Variants in UBAP1 observed in about 807,000 individuals in gnomAD.
The protein encoded by UBAP1 is ubiquitin-associated protein 1.
UBAP1 carries 5 observed loss-of-function variants against 39.0 expected under a neutral mutation model. The observed-to-expected ratio is 0.13, with a 90% confidence interval of 0.07 to 0.27. UBAP1 has a LOEUF of 0.27. Among genes scored for constraint, UBAP1 ranks in the 10% least tolerant of loss-of-function variants. The probability of loss-of-function intolerance (pLI) is 1.00; values close to 1 mark genes in which losing one functional copy is unlikely to be tolerated. For synonymous variants in UBAP1, 211 were observed against 225.1 expected (o/e 0.94, Z 0.56); for missense variants, 490 against 608.1 (o/e 0.81, Z 2.04).
intron 4 of UBAP1, among the ~76,000 whole-genome samples, chr9:34,248,208 G>C (rs777508035): frequency 6.6e-6 from 1 of 151,994 alleles, no homozygotes; most frequent in African/African-American, 2.4e-5. Context: ...GCTGATTTTT[G>C]TATTTTTAGT....
intron 1 of UBAP1, among the ~76,000 whole-genome samples, chr9:34,192,331 A>T (rs1830773692): frequency 1.3e-5 from 2 of 151,874 alleles, no homozygotes; most frequent in African/African-American, 4.8e-5. Context: ...CCTGACCAAC[A>T]TGGTGAAACC....
chr9:34,247,163 CTG>C (rs1330328571), intron 4 of UBAP1, among the ~76,000 whole-genome samples: 4 of 152,070 alleles, frequency 2.6e-5, no homozygotes, highest in African/African-American at 4.8e-5. Flanking sequence ...AAACTAAACA[CTG>C]TTATAATTTT....
At chr9:34,188,963 A>C (rs1478426709) in intron 1 of UBAP1, among the ~76,000 whole-genome samples, 2 of 152,102 alleles carry the variant, frequency 1.3e-5, no homozygotes, top group Non-Finnish European at 2.9e-5. Flanking sequence ...ATCTCCAAAA[A>C]ATAAAAAATA....
intron 3 of UBAP1, among the ~76,000 whole-genome samples, chr9:34,237,678 C>G (rs548109048): frequency 6.6e-6 from 1 of 152,218 alleles, no homozygotes; most frequent in Non-Finnish European, 1.5e-5. Flanking sequence ...GGTGATCCTC[C>G]CTCCTCAGCC....
In UBAP1 at chr9:34,234,293, A is replaced by G. The variant is rs540002022; in HGVS notation, c.112A>G (p.Ile38Val). The change falls in exon 3 of 7, where the codon ATT (isoleucine) becomes GTT (valine). Residue 38 changes from isoleucine (I) to valine (V), a missense_variant. Physicochemically the swap from Ile to Val is conservative, Grantham distance 29. Transcript: ENST00000297661. ...AACACCAGCTAAAGTTGGTCTACCT[A>G]TTGGCTTCTCCTTGCCTGATTGTTT... is the stretch of plus-strand genomic sequence containing the variant. ...FKTPAKVGLP[I>V]GFSLPDCLQV... 3 of 1,613,092 alleles carry G rather than the reference A, an allele frequency of 1.9e-6. No homozygotes were observed. The highest frequency in any genetic ancestry group is 2.7e-5 in the African/African-American group (2 of 75,030).
intron 1 of UBAP1, among the ~76,000 whole-genome samples, chr9:34,219,054 C>T (rs1301752939): frequency 6.6e-6 from 1 of 152,084 alleles, no homozygotes; most frequent in Non-Finnish European, 1.5e-5. Flanking sequence ...AAACAGAATA[C>T]ACTCTATCTC....
chr9:34,214,253 C>T (rs1354170542), intron 1 of UBAP1, among the ~76,000 whole-genome samples: 2 of 152,126 alleles, frequency 1.3e-5, no homozygotes, highest in East Asian at 1.9e-4. Flanking sequence ...AGGCATCACA[C>T]TACCTGATTT....
At chr9:34,184,581 A>G (rs550497708) in intron 1 of UBAP1, among the ~76,000 whole-genome samples, 2 of 146,186 alleles carry the variant, frequency 1.4e-5, no homozygotes, top group African/African-American at 5.0e-5. Context: ...CAGTGAGCCA[A>G]GATCACGCCA....
intron 1 of UBAP1, among the ~76,000 whole-genome samples, chr9:34,211,567 G>A (rs1832019299): frequency 6.6e-6 from 1 of 152,150 alleles, no homozygotes; most frequent in African/African-American, 2.4e-5. Flanking sequence ...ATATGCAAAA[G>A]GAAAGGAAGT....
chr9:34,250,586 G>A, intron 5 of UBAP1, 72 bp from the exon 6 acceptor site: 4 of 1,256,298 alleles, frequency 3.2e-6, no homozygotes, highest in South Asian at 1.3e-5. Context: ...TCACACACTA[G>A]TTTGTTGAGG....
At chr9:34,185,449 T>C (rs1417426353) in intron 1 of UBAP1, among the ~76,000 whole-genome samples, 28 of 152,152 alleles carry the variant, frequency 1.8e-4, no homozygotes, top group Admixed American at 1.7e-3. Flanking sequence ...CACGAGAGGC[T>C]GAGGTAGGAG....
At chr9:34,221,527 TAAAA>T (rs34279455) in intron 2 of UBAP1, among the ~76,000 whole-genome samples, 2 of 131,410 alleles carry the variant, frequency 1.5e-5, no homozygotes, top group African/African-American at 2.9e-5. Context: ...GAGACTCCAT[TAAAA>T]AAAAAAAAAA....
chr9:34,182,635 C>CT (rs1355676549), intron 1 of UBAP1, among the ~76,000 whole-genome samples: 1 of 57,818 alleles, frequency 1.7e-5, no homozygotes. Context: ...TTCTTTCTTT[C>CT]TTTCTTTCTT....
At chr9:34,235,337 A>G (rs1038775414) in intron 3 of UBAP1, among the ~76,000 whole-genome samples, 1 of 151,468 alleles carries the variant, frequency 6.6e-6, no homozygotes, top group African/African-American at 2.4e-5. Flanking sequence ...GTGTGTATAT[A>G]TATATGTATG....
At chr9:34,182,671 C>CT (rs67232930) in intron 1 of UBAP1, among the ~76,000 whole-genome samples, 1 of 87,946 alleles carries the variant, frequency 1.1e-5, no homozygotes, top group African/African-American at 4.3e-5. Context: ...TTCTTTCTTT[C>CT]TTTCTTTCTT....
intron 1 of UBAP1, among the ~76,000 whole-genome samples, chr9:34,184,065 C>T (rs911894969): frequency 4.0e-5 from 6 of 151,864 alleles, no homozygotes; most frequent in African/African-American, 1.5e-4. Flanking sequence ...ATAGCGCTCC[C>T]GGCCCAGAAT....
intron 1 of UBAP1, among the ~76,000 whole-genome samples, chr9:34,196,214 C>T (rs1587803552): frequency 6.6e-6 from 1 of 151,772 alleles, no homozygotes; most frequent in East Asian, 1.9e-4. Flanking sequence ...TCATGGCTCA[C>T]TGCAGCCTCG....
At chr9:34,216,763 C>T (rs1342654459) in intron 1 of UBAP1, among the ~76,000 whole-genome samples, 7 of 150,234 alleles carry the variant, frequency 4.7e-5, no homozygotes, top group African/African-American at 7.4e-5. Context: ...CCTCCCACCT[C>T]AGCCTCCCAA....
intron 1 of UBAP1, among the ~76,000 whole-genome samples, chr9:34,188,658 A>C (rs1028364559): frequency 6.6e-6 from 1 of 152,012 alleles, no homozygotes; most frequent in Non-Finnish European, 1.5e-5. Flanking sequence ...TTGGAAACTC[A>C]AGATTAGTCT....
Sources: allele counts gnomAD v4.1 joint callset (sites outside exome capture counted in the v4.1 genomes callset), GRCh38; gene constraint gnomAD v4.1.1; transcripts MANE v1.5; gene names NCBI Gene and HGNC (gene_info 2026-07-23, HGNC 2026-07-21).